Variants in NAV1 observed in about 807,000 individuals in gnomAD.
NAV1 encodes the protein neuron navigator 1, also known as pore membrane and/or filament interacting like protein 3.
A neutral mutation model predicts 175.2 loss-of-function variants in NAV1; 18 were observed. The ratio of observed to expected loss-of-function variants is 0.10; its 90% CI spans 0.07 to 0.15. The LOEUF is 0.15. NAV1 is among the 10% of genes least tolerant of loss of function. NAV1 has a pLI of 1.00. For synonymous variants in NAV1, 897 were observed against 978.7 expected, an observed-to-expected ratio of 0.92 and a Z score of 1.56; for missense variants, 1,731 against 2,436.6, an observed-to-expected ratio of 0.71 and a Z score of 6.10.
At chr1:201,821,637 T>A (rs1679386450) in exon 30 of NAV1, 1 of 152,048 alleles carries the variant, frequency 6.6e-6, no homozygotes, top group South Asian at 2.1e-4. Flanking sequence ...ACCTTCGGGA[T>A]CATCTAAGAA....
chr1:201,762,091 T>C (rs1674899424), intron 3 of NAV1, among the ~76,000 whole-genome samples: 1 of 152,188 alleles, frequency 6.6e-6, no homozygotes, highest in African/African-American at 2.4e-5. Flanking sequence ...GCTCTGGAGC[T>C]TGAGGCTGCA....
intron 1 of NAV1, among the ~76,000 whole-genome samples, chr1:201,542,226 A>G (rs544731192): frequency 6.6e-6 from 1 of 152,246 alleles, no homozygotes; most frequent in East Asian, 1.9e-4. Context: ...TTATCTTCCT[A>G]GCGTTTCCAT....
rs189302216 is a variant in NAV1 at position 201,753,373 on chromosome 1, C to A, written c.1227-27048C>A. On this transcript the variant is annotated intron_variant, in intron 3 of 29. Coordinates refer to ENST00000367296, the Ensembl canonical transcript of NAV1. ...GCCCATAATTGGGTAACTAGAGAAG[C>A]CCCCATTTAATTAAATTCCGCTATC... is the stretch of plus-strand genomic sequence containing the variant. Among the ~76,000 whole-genome samples, 304 of 152,152 alleles carry A rather than the reference C, an allele frequency of 2.0e-3. 1 individual carries two copies. Among genetic ancestry groups the A allele is most frequent in the African/African-American group, 7.1e-3 (294 of 41,504 alleles).
intron 2 of NAV1, among the ~76,000 whole-genome samples, chr1:201,630,860 A>G (rs1017773838): frequency 6.6e-6 from 1 of 152,214 alleles, no homozygotes; most frequent in African/African-American, 2.4e-5. Flanking sequence ...TGGCTTCCTC[A>G]TGTGGATGCC....
intron 11 of NAV1, 121 bp from the exon 16 acceptor site, chr1:201,790,433 C>G: frequency 8.9e-7 from 1 of 1,122,900 alleles, no homozygotes; most frequent in Non-Finnish European, 1.3e-6. Flanking sequence ...TTCAGCCTCT[C>G]TGCACCTCTG....
intron 3 of NAV1, among the ~76,000 whole-genome samples, chr1:201,775,794 G>A (rs1322149319): frequency 6.6e-6 from 1 of 152,130 alleles, no homozygotes; most frequent in Non-Finnish European, 1.5e-5. Context: ...GCAGTGGCTC[G>A]CAACTGTAAT....
intron 1 of NAV1, among the ~76,000 whole-genome samples, chr1:201,557,005 A>C (rs918845267): frequency 1.3e-5 from 2 of 152,174 alleles, no homozygotes; most frequent in African/African-American, 4.8e-5. Flanking sequence ...CCCTGACTCC[A>C]TGATCCTGCC....
Position 201,740,715 on chromosome 1 carries a change from C to T in NAV1, c.1226+21960C>T, listed in dbSNP as rs150500977. Among the ~76,000 whole-genome samples, 805 of 152,104 alleles carry T rather than the reference C, an allele frequency of 5.3e-3. 7 individuals are homozygous for T. Among genetic ancestry groups the T allele is most frequent in the African/African-American group, 0.019 (784 of 41,466 alleles). On this transcript the variant is annotated intron_variant, in intron 3 of 29. Coordinates refer to ENST00000367296, the Ensembl canonical transcript of NAV1. This position sits in a 1 kb window ranked among gnomAD's most constrained non-coding sequence, Gnocchi z 4.7. The stretch of plus-strand genomic sequence containing the variant: ...GGGAAGGGGTGAAAAATCGGAGAGC[C>T]GGGTAATTTGGGGAGACGCACAGTG...
rs114728725 is a variant in NAV1 at position 201,556,247 on chromosome 1, A to G, written c.-144+16905A>G. On this transcript the variant is annotated intron_variant, in intron 1 of 33. Transcript: ENST00000685211. The stretch of plus-strand genomic sequence containing the variant: ...GACAACATACAGAGTCCCCATCTCT[A>G]CAAAAAATAAAAATAAAAAAATTAG... 3.5e-3 allele frequency among the ~76,000 whole-genome samples: 532 copies of G among 152,164 alleles called. 3 individuals are homozygous for G. Among genetic ancestry groups the G allele is most frequent in the African/African-American group, 0.012 (511 of 41,520 alleles).
At chr1:201,784,663 G>A (rs554737129) in intron 7 of NAV1, among the ~76,000 whole-genome samples, 5 of 150,198 alleles carry the variant, frequency 3.3e-5, no homozygotes, top group East Asian at 2.0e-4. Context: ...TCAGCCTCCC[G>A]GGAGCTGCAA....
chr1:201,591,513 C>T (rs1370649276), intron 2 of NAV1, among the ~76,000 whole-genome samples: 1 of 152,154 alleles, frequency 6.6e-6, no homozygotes, highest in Non-Finnish European at 1.5e-5. Flanking sequence ...GCTGAGCAGG[C>T]CTGGCATATA....
At chr1:201,804,830 G>A (rs988296275) in intron 17 of NAV1, among the ~76,000 whole-genome samples, 11 of 152,168 alleles carry the variant, frequency 7.2e-5, no homozygotes, top group African/African-American at 2.4e-4. Flanking sequence ...TCCAGAAAAT[G>A]AACCTTCTTC....
intron 2 of NAV1, among the ~76,000 whole-genome samples, chr1:201,605,411 T>C (rs773054085): frequency 3.9e-5 from 6 of 152,140 alleles, no homozygotes; most frequent in Admixed American, 6.6e-5. Context: ...TTTTAGGACA[T>C]TTGTGCAGTT....
At chr1:201,717,633 C>T (rs551171763) in intron 2 of NAV1, among the ~76,000 whole-genome samples, 1 of 152,236 alleles carries the variant, frequency 6.6e-6, no homozygotes, top group Non-Finnish European at 1.5e-5. Flanking sequence ...GGCTTCACCC[C>T]CATGTCTGGT....
In NAV1 at chr1:201,808,518, G is replaced by C; in HGVS notation, c.3946G>C (p.Glu1316Gln). 6.2e-7 allele frequency: 1 copy of C among 1,614,252 alleles called. No homozygotes were observed. Among genetic ancestry groups the C allele is most frequent in the Non-Finnish European group, 8.5e-7 (1 of 1,180,040 alleles). The change falls in exon 19 of 30, where the codon GAG becomes CAG. Residue 1316 changes from glutamate to glutamine, a missense_variant. Transcript: ENST00000367296. This position sits in a 1 kb window ranked among gnomAD's most constrained non-coding sequence, Gnocchi z 5.5. ...ATCGGAGCTGCGCTCTGAGCTATGG[G>C]AGAAGGAAATGAAGCTTACAGACAT... is the stretch of plus-strand genomic sequence containing the variant.
chr1:201,712,689 G>A (rs975147674), intron 1 of NAV1, 128 bp from the exon 6 acceptor site: 11 of 689,340 alleles, frequency 1.6e-5, no homozygotes, highest in Admixed American at 2.0e-5. Flanking sequence ...GGAAAGGGAG[G>A]AGGAAGGTGA....
chr1:201,822,578 T>C (rs1679448861), exon 30 of NAV1: 1 of 152,672 alleles, frequency 6.5e-6, no homozygotes, highest in South Asian at 2.1e-4. Context: ...ATGAATTTTA[T>C]TTGGATCCTC....
intron 3 of NAV1, among the ~76,000 whole-genome samples, chr1:201,736,920 C>T (rs1164936067): frequency 6.6e-6 from 1 of 151,944 alleles, no homozygotes; most frequent in African/African-American, 2.4e-5. Context: ...CCTCCGCTGC[C>T]CCCCACTCCC....
chr1:201,541,760 G>A (rs1346428557), intron 1 of NAV1, among the ~76,000 whole-genome samples: 1 of 152,160 alleles, frequency 6.6e-6, no homozygotes, highest in African/African-American at 2.4e-5. Context: ...GGGGCCAAGA[G>A]TGAAACTCCA....
Sources: gnomAD v4.1 joint callset for allele counts (sites outside exome capture counted in the v4.1 genomes callset) on GRCh38, gnomAD v4.1.1 for gene constraint, Gnocchi (gnomAD v3.1) non-coding constraint, MANE v1.5 for transcripts, NCBI Gene and HGNC (gene_info 2026-07-23, HGNC 2026-07-21) for gene names.